The following CSMD1 variants were observed in gnomAD, a reference collection of about 807,000 sequenced individuals.
CSMD1 encodes the protein CUB and sushi domain-containing protein 1.
CSMD1 carries 213 observed loss-of-function variants against 417.5 expected under a neutral mutation model. The ratio of observed to expected loss-of-function variants is 0.51; its 90% CI spans 0.46 to 0.57. The LOEUF (loss-of-function observed/expected upper bound fraction) is 0.57. Among genes scored for constraint, CSMD1 ranks in the 20% least tolerant of loss-of-function variants. The pLI is 0.00. For synonymous variants in CSMD1, 2,862 were observed against 1,736.8 expected (o/e 1.65, Z -16.11); for missense variants, 6,923 against 4,529.7 (o/e 1.53, Z -15.17).
chr8:3,505,795 T>G (rs573033808), intron 10 of CSMD1, among the ~76,000 whole-genome samples: 117 of 152,216 alleles, frequency 7.7e-4, no homozygotes, highest in African/African-American at 2.6e-3. Flanking sequence ...GAGAAAATAT[T>G]TACAGATTTT....
chr8:4,958,572 C>G (rs987208912), intron 1 of CSMD1, among the ~76,000 whole-genome samples: 1 of 152,182 alleles, frequency 6.6e-6, no homozygotes, highest in African/African-American at 2.4e-5. Context: ...GAAATTCTGA[C>G]AGCTTCTTAA....
rs534646685 is a variant in CSMD1 at position 4,745,047 on chromosome 8, T to A, written c.86-107489A>T. On this transcript the variant is annotated intron_variant, in intron 1 of 69. Transcript: ENST00000635120. Reference sequence around the variant, plus strand: ...GTTAAATTGAACTAATATATATTCTTTTTTATATAAATTTAGTTTTTGGTC... The same window carrying A: ...GTTAAATTGAACTAATATATATTCTATTTTATATAAATTTAGTTTTTGGTC... 6.8e-4 allele frequency among the ~76,000 whole-genome samples: 104 copies of A among 152,290 alleles called. 1 individual carries two copies. The East Asian group carries it at 0.011, about 16-fold the overall frequency.
chr8:4,287,006 G>C (rs896570865), intron 3 of CSMD1, among the ~76,000 whole-genome samples: 3 of 152,138 alleles, frequency 2.0e-5, no homozygotes, highest in Non-Finnish European at 2.9e-5. Context: ...AAAGGGCTAA[G>C]TTTCACTTGA....
At chr8:3,230,379 T>G (rs549687174) in intron 26 of CSMD1, 148 bp from the exon 27 acceptor site, 1 of 515,798 alleles carries the variant, frequency 1.9e-6, no homozygotes, top group East Asian at 3.2e-5. Context: ...TAGTTTCTTT[T>G]CCCAGGGGTA....
chr8:4,382,063 C>T, intron 3 of CSMD1, among the ~76,000 whole-genome samples: 1 of 152,300 alleles, frequency 6.6e-6, no homozygotes, highest in South Asian at 2.1e-4. Context: ...AACTGGGACT[C>T]TCAGCCATGA....
intron 2 of CSMD1, among the ~76,000 whole-genome samples, chr8:4,561,289 G>A (rs549922940): frequency 3.9e-5 from 6 of 152,140 alleles, no homozygotes; most frequent in African/African-American, 7.2e-5. Flanking sequence ...CAGGGGAATC[G>A]TTTGAACTCA....
intron 3 of CSMD1, among the ~76,000 whole-genome samples, chr8:4,072,353 T>A (rs1585252689): frequency 6.6e-6 from 1 of 152,320 alleles, no homozygotes; most frequent in East Asian, 1.9e-4. Flanking sequence ...GTACAAATAC[T>A]AGTTTTCAAT....
intron 1 of CSMD1, among the ~76,000 whole-genome samples, chr8:4,950,838 C>G (rs1808696141): frequency 6.6e-6 from 1 of 152,092 alleles, no homozygotes; most frequent in Admixed American, 6.6e-5. Context: ...GAGCACCACT[C>G]AACCACTCTT....
At chr8:3,476,637 C>A (rs879392208) in intron 11 of CSMD1, among the ~76,000 whole-genome samples, 2 of 152,046 alleles carry the variant, frequency 1.3e-5, no homozygotes, top group African/African-American at 4.8e-5. Flanking sequence ...AATGAATCAG[C>A]CAGGCTTGGT....
At chr8:4,815,694 C>CAAA (rs1218931391) in intron 1 of CSMD1, among the ~76,000 whole-genome samples, 211 of 66,122 alleles carry the variant, frequency 3.2e-3, no homozygotes, top group Non-Finnish European at 4.3e-3. Context: ...AAAGCTGTCT[C>CAAA]AAAAAAAAAA....
chr8:3,341,693 G>A (rs1324353400), intron 23 of CSMD1, among the ~76,000 whole-genome samples: 1 of 152,164 alleles, frequency 6.6e-6, no homozygotes, highest in Non-Finnish European at 1.5e-5. Context: ...GTAAGAAAAA[G>A]CAACGAAAAT....
chr8:4,818,517 T>C (rs1799334959), intron 1 of CSMD1, among the ~76,000 whole-genome samples: 1 of 152,156 alleles, frequency 6.6e-6, no homozygotes, highest in South Asian at 2.1e-4. Flanking sequence ...TACATACGTA[T>C]TAAGAATAAT....
intron 11 of CSMD1, among the ~76,000 whole-genome samples, chr8:3,475,213 A>T (rs1388476820): frequency 7.9e-5 from 12 of 152,148 alleles, no homozygotes; most frequent in African/African-American, 2.9e-4. Context: ...CTAGGTCATC[A>T]CAGAATCCTT....
intron 2 of CSMD1, among the ~76,000 whole-genome samples, chr8:4,472,364 T>C (rs1049591377): frequency 3.0e-4 from 46 of 152,254 alleles, no homozygotes; most frequent in African/African-American, 1.0e-3. Flanking sequence ...ATTTCATCCA[T>C]CACTTGATCT....
intron 3 of CSMD1, among the ~76,000 whole-genome samples, chr8:4,080,780 C>G (rs1800088347): frequency 6.6e-6 from 1 of 152,046 alleles, no homozygotes; most frequent in South Asian, 2.1e-4. Flanking sequence ...GGCTAAATTA[C>G]CACACCCCTC....
At chr8:4,573,783 G>A (rs1799004183) in intron 2 of CSMD1, among the ~76,000 whole-genome samples, 1 of 152,228 alleles carries the variant, frequency 6.6e-6, no homozygotes, top group South Asian at 2.1e-4. Flanking sequence ...ATGAGCCGCT[G>A]ACTGGGGCTG....
At chr8:4,740,644 G>C (rs964187208) in intron 1 of CSMD1, among the ~76,000 whole-genome samples, 12 of 152,206 alleles carry the variant, frequency 7.9e-5, no homozygotes, top group African/African-American at 2.9e-4. Context: ...AGGAGTATGT[G>C]CAGCTCTCTG....
intron 3 of CSMD1, among the ~76,000 whole-genome samples, chr8:4,033,371 G>A (rs1174222060): frequency 5.3e-5 from 8 of 152,088 alleles, no homozygotes; most frequent in Non-Finnish European, 1.2e-4. Context: ...GAACCCGGGA[G>A]GCGGAGCTTG....
At position 3,960,080 on chromosome 8, in the gene CSMD1, A is replaced by T. The variant is rs140691066; in HGVS notation, c.818+37823T>A. 3.7e-4 allele frequency among the ~76,000 whole-genome samples: 56 copies of T among 152,302 alleles called. 1 individual carries two copies. The highest frequency in any genetic ancestry group is 5.6e-4 in the Non-Finnish European group (38 of 68,018). On this transcript the variant is annotated intron_variant, in intron 5 of 69. Coordinates refer to ENST00000635120, the MANE Select transcript of CSMD1 (RefSeq NM_033225.6). Reference sequence around the variant, plus strand: ...TGTTTCAGGATGATCATCTTATTAGACAACAGTGCTGGAGCTAAGTGGAAA... The same window carrying T: ...TGTTTCAGGATGATCATCTTATTAGTCAACAGTGCTGGAGCTAAGTGGAAA...
Sources: gnomAD v4.1 joint callset for allele counts (sites outside exome capture counted in the v4.1 genomes callset) on GRCh38, gnomAD v4.1.1 for gene constraint, MANE v1.5 for transcripts, NCBI Gene and HGNC (gene_info 2026-07-23, HGNC 2026-07-21) for gene names.